SLCO3A1: variants seen among roughly 807,000 people sequenced by gnomAD.
SLCO3A1 encodes solute carrier organic anion transporter family member 3A1, also known as PGE1 transporter.
SLCO3A1 carries 27 observed loss-of-function variants against 63.1 expected under a neutral mutation model. The ratio of observed to expected loss-of-function variants is 0.43; its 90% CI spans 0.32 to 0.59. The LOEUF (loss-of-function observed/expected upper bound fraction) is 0.59. SLCO3A1 is among the 20% of genes least tolerant of loss of function. The pLI, the probability that SLCO3A1 is intolerant of heterozygous loss-of-function variation, is 0.09. For synonymous variants in SLCO3A1, 473 were observed against 409.9 expected (o/e 1.15, Z -1.86); for missense variants, 773 against 945.8 (o/e 0.82, Z 2.40).
At chr15:92,005,782 TGTGGCCCA>T (rs2046305617) in intron 2 of SLCO3A1, among the ~76,000 whole-genome samples, 3 of 152,168 alleles carry the variant, frequency 2.0e-5, no homozygotes, top group Non-Finnish European at 4.4e-5. Context: ...ATAATTCCCT[TGTGGCCCA>T]GTCACCTTCC....
At chr15:91,874,879 T>A (rs940592352) in intron 1 of SLCO3A1, among the ~76,000 whole-genome samples, 1 of 152,216 alleles carries the variant, frequency 6.6e-6, no homozygotes. Context: ...CTGTATTTCC[T>A]GTGCAATGGA....
intron 2 of SLCO3A1, among the ~76,000 whole-genome samples, chr15:91,923,577 C>T (rs1898917089): frequency 6.6e-6 from 1 of 152,180 alleles, no homozygotes; most frequent in South Asian, 2.1e-4. Context: ...TTTCTGGGTT[C>T]TAGCATGTCG....
At chr15:91,911,644 T>G (rs904966983) in intron 1 of SLCO3A1, among the ~76,000 whole-genome samples, 2 of 152,154 alleles carry the variant, frequency 1.3e-5, no homozygotes, top group Non-Finnish European at 2.9e-5. Context: ...ATTTTTTTTT[T>G]GAGACGGAGT....
rs190424516 is a variant in SLCO3A1 at position 92,151,230 on chromosome 15, T to A, written c.1753+216T>A. Reference sequence around the variant, plus strand: ...AAGTTCTCATTTATACCAACTCTTATCTTCACGCCACCGTGAATTCTCATC... The same window carrying A: ...AAGTTCTCATTTATACCAACTCTTAACTTCACGCCACCGTGAATTCTCATC... On this transcript the variant is annotated intron_variant, in intron 9 of 9. Coordinates refer to ENST00000318445, the MANE Select transcript of SLCO3A1 (RefSeq NM_013272.4). The A allele has an allele frequency of 3.5e-3, 1,692 of 480,388 alleles. 24 individuals are homozygous for A. The highest frequency in any genetic ancestry group is 0.029 in the African/African-American group (1,496 of 50,746). 29.8% of individuals were successfully genotyped at this position (480,388 alleles called of 1,614,324 possible).
At chr15:92,083,147 CA>C (rs1249988832) in intron 2 of SLCO3A1, among the ~76,000 whole-genome samples, 1 of 152,182 alleles carries the variant, frequency 6.6e-6, no homozygotes, top group African/African-American at 2.4e-5. Flanking sequence ...TAGAAGCCGT[CA>C]CCCGTGTGTA....
chr15:92,169,011 A>G (rs74466601), downstream of SLCO3A1, among the ~76,000 whole-genome samples: 9,102 of 152,292 alleles, frequency 0.06, 394 homozygotes, highest in Non-Finnish European at 0.086. Flanking sequence ...CCAACACAAA[A>G]CACTGGCACC....
chr15:91,931,105 T>C (rs1321125719), intron 2 of SLCO3A1, among the ~76,000 whole-genome samples: 1 of 152,226 alleles, frequency 6.6e-6, no homozygotes, highest in Non-Finnish European at 1.5e-5. Context: ...TTGTGAATAA[T>C]GACCAGTCCC....
At chr15:92,054,095 G>A (rs2046993643) in intron 2 of SLCO3A1, among the ~76,000 whole-genome samples, 2 of 152,208 alleles carry the variant, frequency 1.3e-5, no homozygotes, top group Non-Finnish European at 2.9e-5. Flanking sequence ...TTACAATCCA[G>A]TACTGCTATG....
chr15:91,998,593 C>G (rs1019502954), intron 2 of SLCO3A1, among the ~76,000 whole-genome samples: 1 of 152,156 alleles, frequency 6.6e-6, no homozygotes, highest in African/African-American at 2.4e-5. Flanking sequence ...CAACGAGATA[C>G]CATCTCATAC....
intron 1 of SLCO3A1, among the ~76,000 whole-genome samples, chr15:91,910,649 C>T (rs1335885690): frequency 5.3e-5 from 8 of 152,206 alleles, no homozygotes; most frequent in Non-Finnish European, 1.5e-5. Context: ...CTGTCAAAGC[C>T]AGATGGGAAC....
intron 2 of SLCO3A1, among the ~76,000 whole-genome samples, chr15:92,017,660 T>G (rs538597288): frequency 6.6e-6 from 1 of 152,198 alleles, no homozygotes; most frequent in South Asian, 2.1e-4. Flanking sequence ...GGAGAAGGCC[T>G]GTGTGGACAT....
downstream of SLCO3A1, among the ~76,000 whole-genome samples, chr15:92,168,459 C>T (rs1259452207): frequency 6.6e-6 from 1 of 152,232 alleles, no homozygotes; most frequent in Admixed American, 6.5e-5. Flanking sequence ...CCATAGACAA[C>T]AGGTGAACCA....
Position 91,942,510 on chromosome 15 carries a change from A to G in SLCO3A1, c.646+26052A>G, listed in dbSNP as rs1402380989. 6.6e-6 allele frequency among the ~76,000 whole-genome samples: 1 copy of G among 152,152 alleles called. No individual in the cohort carries two copies. Among genetic ancestry groups the G allele is most frequent in the Admixed American group, 6.5e-5 (1 of 15,282 alleles). On this transcript the variant is annotated intron_variant, in intron 2 of 9. Transcript: ENST00000318445. This position sits in a 1 kb window ranked among gnomAD's most constrained non-coding sequence, Gnocchi z 4.1. ...GTGTGTCAGTGGCCATCCCTCTTAG[A>G]TTGACGATGCCCAGGCTCACTGGTT...
intron 9 of SLCO3A1, chr15:92,155,417 TAGG>T (rs2048359213): frequency 6.6e-6 from 1 of 152,274 alleles, no homozygotes; most frequent in African/African-American, 2.4e-5. Context: ...GCGGCTGCAG[TAGG>T]AGAACAAAGC....
rs1897383760 is a variant in SLCO3A1 at position 91,875,727 on chromosome 15, G to A, written c.180+21639G>A. On this transcript the variant is annotated intron_variant, in intron 1 of 9. Transcript: ENST00000318445. This position sits in a 1 kb window ranked among gnomAD's most constrained non-coding sequence, Gnocchi z 4.5. ...TGACTGAAAATCAGGTAATAAACATGAAGCAGTGACAGTGATTCTAGAGCA... is the reference window on the plus strand; with the variant it reads ...TGACTGAAAATCAGGTAATAAACATAAAGCAGTGACAGTGATTCTAGAGCA... Among the ~76,000 whole-genome samples the A allele has an allele frequency of 6.6e-6, 1 of 152,226 alleles. No homozygotes were observed. The highest frequency in any genetic ancestry group is 6.5e-5 in the Admixed American group (1 of 15,284).
At chr15:91,938,858 CAG>C (rs1212994356) in intron 2 of SLCO3A1, among the ~76,000 whole-genome samples, 2 of 152,084 alleles carry the variant, frequency 1.3e-5, no homozygotes, top group Admixed American at 6.6e-5. Flanking sequence ...GAAGGTTAAT[CAG>C]GGGAAAAAGC....
chr15:91,877,838 A>G (rs1323942398), intron 1 of SLCO3A1, among the ~76,000 whole-genome samples: 1 of 152,164 alleles, frequency 6.6e-6, no homozygotes, highest in Non-Finnish European at 1.5e-5. Flanking sequence ...TGAGACCTGT[A>G]GTCTGATCTA....
intron 1 of SLCO3A1, among the ~76,000 whole-genome samples, chr15:91,876,624 G>T (rs1597079918): frequency 6.6e-6 from 1 of 152,180 alleles, no homozygotes; most frequent in African/African-American, 2.4e-5. Flanking sequence ...ATCTGAGCAG[G>T]CCCCTCCTGC....
intron 2 of SLCO3A1, among the ~76,000 whole-genome samples, chr15:92,023,405 T>C (rs145120278): frequency 6.6e-6 from 1 of 152,208 alleles, no homozygotes; most frequent in Non-Finnish European, 1.5e-5. Flanking sequence ...TGTTTGGTAC[T>C]CTATATGAGA....
Sources: allele counts gnomAD v4.1 joint callset (sites outside exome capture counted in the v4.1 genomes callset), GRCh38; gene constraint gnomAD v4.1.1; non-coding constraint Gnocchi (gnomAD v3.1); transcripts MANE v1.5; gene names NCBI Gene and HGNC (gene_info 2026-07-23, HGNC 2026-07-21).